Variants in INTS1 observed in about 807,000 individuals in gnomAD.
INTS1 encodes the protein integrator complex subunit 1.
INTS1 carries 137 observed loss-of-function variants against 241.6 expected under a neutral mutation model. That is an observed-to-expected ratio of 0.57 (90% CI 0.49 to 0.65). The LOEUF is 0.65. INTS1 is among the 30% of genes least tolerant of loss of function. The pLI is 0.00. For missense variants in INTS1, 3,073 were observed against 3,032.2 expected (o/e 1.01, Z -0.32); for synonymous variants, 1,692 against 1,337.8 (o/e 1.26, Z -5.78).
At position 1,480,461 on chromosome 7, in the gene INTS1, G is replaced by A. The variant is rs566273556; in HGVS notation, c.3950-20C>T. The A allele has an allele frequency of 1.1e-5, 17 of 1,608,400 alleles. No homozygotes were observed. The highest frequency in any genetic ancestry group is 1.4e-5 in the Non-Finnish European group (16 of 1,176,406). ...TGCTGTCTGCAGAGACAGGAGAACT[G>A]TCAGTGGCTGGACACTTTCTGACCT... On this transcript the variant is annotated intron_variant, in intron 29 of 47. Coordinates refer to ENST00000404767, the MANE Select transcript of INTS1 (RefSeq NM_001080453.3).
rs1331515067 is a variant in INTS1, at chr7:1,481,598, C to A, written c.3704-110G>T. ...GTGCAGTGACCCCACCCACCTGAGACCCTGGGCCACGTGGGCTCGGTGACC... is the reference window on the plus strand; with the variant it reads ...GTGCAGTGACCCCACCCACCTGAGAACCTGGGCCACGTGGGCTCGGTGACC... On this transcript the variant is annotated intron_variant, in intron 27 of 47. Transcript: ENST00000404767. This position sits in a 1 kb window ranked among gnomAD's most constrained non-coding sequence, Gnocchi z 6.8. 8.8e-7 allele frequency: 1 copy of A among 1,130,540 alleles called. No individual in the cohort carries two copies. The allele number at this position is 1,130,540 out of a possible 1,614,324, so 70.0% of individuals were successfully genotyped here. A position where few individuals can be genotyped will look rare whatever the true frequency, so the allele number is the denominator to read the frequency against.
intron 11 of INTS1, 118 bp from the exon 12 acceptor site, chr7:1,496,382 C>T: frequency 2.1e-6 from 1 of 478,262 alleles, no homozygotes; most frequent in Non-Finnish European, 3.6e-6. Context: ...CCCCACTCCA[C>T]ACCCACGTGG....
intron 26 of INTS1, 83 bp from the exon 27 acceptor site, chr7:1,482,790 C>T: frequency 6.6e-7 from 1 of 1,504,364 alleles, no homozygotes; most frequent in Non-Finnish European, 9.0e-7. Flanking sequence ...GCTAGAGGCA[C>T]CTCCTCTCCC....
chr7:1,484,723 C>A lies in INTS1; in HGVS notation c.3261+375G>T, dbSNP rs73275963. Among the ~76,000 whole-genome samples the A allele has an allele frequency of 8.0e-3, 1,221 of 152,342 alleles. 13 individuals are homozygous for A. Among genetic ancestry groups the A allele is most frequent in the African/African-American group, 0.024 (992 of 41,574 alleles). ...CCCTGCTGTGAACAAGGCACCCTCA[C>A]CCCCGTGGCTTCGCATCCTCAGGGT... On this transcript the variant is annotated intron_variant, in intron 24 of 47. Coordinates refer to ENST00000404767, the MANE Select transcript of INTS1 (RefSeq NM_001080453.3).
Position 1,487,952 on chromosome 7 carries a change from T to G in INTS1, c.2324A>C (p.Tyr775Ser). 1 of 1,612,634 alleles carries G rather than the reference T, an allele frequency of 6.2e-7. No individual in the cohort carries two copies. Among genetic ancestry groups the G allele is most frequent in the Non-Finnish European group, 8.5e-7 (1 of 1,179,688 alleles). Residue 775 changes from tyrosine (Y) to serine (S), a missense_variant, in exon 19 of 48, where the codon TAC (tyrosine) becomes TCC (serine). By Grantham distance (144) the Tyr-to-Ser change is moderately radical. Transcript: ENST00000404767. ...CGTCAGGGTGCACGGTGGGTAGGAG[T>G]AGTTGCTAGGGCCAGACGGGGGAGC... ...MLMEMVMTNN[Y>S]SYPPCTLTDE... is the part of the protein sequence containing the mutation.
chr7:1,503,124 C>T lies in INTS1; in HGVS notation c.126G>A (p.Ala42=), dbSNP rs767475746. 37 of 1,597,462 alleles carry T rather than the reference C, an allele frequency of 2.3e-5. No individual in the cohort carries two copies. In the African/African-American group the frequency reaches 2.8e-4, roughly 12 times the overall value. ...SKGQANESKT[A]STLLKPAPSG... is the part of the protein sequence containing the mutation. Reference sequence around the variant, plus strand: ...AAGGGGCTGGCTTCAGCAGGGTGGACGCCGTTTTCGATTCATTGGCCTGAC... The same window carrying T: ...AAGGGGCTGGCTTCAGCAGGGTGGATGCCGTTTTCGATTCATTGGCCTGAC... Residue 42 remains alanine, a synonymous_variant, in exon 3 of 48, where the codon GCG becomes GCA. Transcript: ENST00000404767.
chr7:1,478,220 C>A, intron 33 of INTS1, 146 bp downstream of exon 33: 1 of 913,938 alleles, frequency 1.1e-6, no homozygotes, highest in Non-Finnish European at 1.7e-6. Flanking sequence ...CCGCCCTGAG[C>A]CATCTGGGAG....
chr7:1,487,882 G>A lies in INTS1; in HGVS notation c.2394C>T (p.Thr798=), dbSNP rs773853138. 66 of 1,613,468 alleles carry A rather than the reference G, an allele frequency of 4.1e-5. No homozygotes were observed. The highest frequency in any genetic ancestry group is 5.1e-5 in the Non-Finnish European group (60 of 1,179,862). ...GGATCTCCTGCTTCTCCCGCTGGGC[G>A]GTCTGCAGCTCACGGTTCAGCATCT... The part of the protein sequence containing the change: ...RTEMLNRELQ[T]AQREKQEILA... The change falls in exon 19 of 48, where the codon ACC becomes ACT. Residue 798 remains threonine, a synonymous_variant. Coordinates refer to ENST00000404767, the MANE Select transcript of INTS1 (RefSeq NM_001080453.3).
At chr7:1,471,855 G>C (rs550765590) in intron 44 of INTS1, 62 of 598,136 alleles carry the variant, frequency 1.0e-4, no homozygotes, top group South Asian at 5.6e-4. Flanking sequence ...GAGAGGGGTT[G>C]ACCCCTCACG....
At position 1,499,049 on chromosome 7, in the gene INTS1, T is replaced by G; in HGVS notation, c.1063A>C (p.Thr355Pro). 1 of 1,579,032 alleles carries G rather than the reference T, an allele frequency of 6.3e-7. No individual in the cohort carries two copies. The highest frequency in any genetic ancestry group is 8.6e-7 in the Non-Finnish European group (1 of 1,165,808). The change falls in exon 8 of 48, where the codon ACC (threonine) becomes CCC (proline). Residue 355 changes from threonine (T) to proline (P), a missense_variant. Thr to Pro is a conservative substitution (Grantham distance 38, BLOSUM62 -1). Transcript: ENST00000404767. ...ACCTCCTTATAGCCGCAGGTGGAGG[T>G]GAGGAGCCGCAGGAGGTTCCTGGAG... ...NVSRNLLRLL[T>P]STCGYKEVRL...
chr7:1,499,314 C>A lies in INTS1; in HGVS notation c.891G>T (p.Thr297=). ...PSLTEEEDSQ[T]ELLIAEEKLS... is the part of the protein sequence containing the mutation. Reference sequence around the variant, plus strand: ...GCTTCTCCTCCGCGATCAGCAACTCCGTCTGGCTGTCCTCCTCCTCCGTGA... The same window carrying A: ...GCTTCTCCTCCGCGATCAGCAACTCAGTCTGGCTGTCCTCCTCCTCCGTGA... Residue 297 remains threonine, a synonymous_variant, in exon 7 of 48, where the codon ACG becomes ACT. Transcript: ENST00000404767. The A allele has an allele frequency of 6.2e-7, 1 of 1,605,066 alleles. No individual in the cohort carries two copies. Among genetic ancestry groups the A allele is most frequent in the Non-Finnish European group, 8.5e-7 (1 of 1,175,992 alleles).
chr7:1,500,820 G>C, intron 3 of INTS1: 1 of 160,320 alleles, frequency 6.2e-6, no homozygotes, highest in Non-Finnish European at 1.4e-5. Flanking sequence ...TGGGTGCTCG[G>C]CTCACAACCT....
In INTS1 at chr7:1,494,060, G is replaced by A. The variant is rs1782726639; in HGVS notation, c.1911-149C>T. 5 of 1,031,164 alleles carry A rather than the reference G, an allele frequency of 4.8e-6. 1 individual carries two copies. In the East Asian group the frequency reaches 1.1e-4, roughly 22 times the overall value. 63.9% of individuals were successfully genotyped at this position (1,031,164 alleles called of 1,614,324 possible). On this transcript the variant is annotated intron_variant, in intron 14 of 47. Transcript: ENST00000404767. ...CCCACGAGCCTATCCCCTCCAACCT[G>A]AGCCTCCCTTTGCAGGACAGGAGCC...
In INTS1 at chr7:1,474,626, CTT is replaced by C. The variant is rs1781626778; in HGVS notation, c.5636+77_5636+78del. 9 of 1,475,134 alleles carry C rather than the reference CTT, an allele frequency of 6.1e-6. No homozygotes were observed. In the East Asian group the frequency reaches 7.5e-5, roughly 12 times the overall value. The allele number at this position is 1,475,134 out of a possible 1,614,324, so 91.4% of individuals were successfully genotyped here. ...TTTTTGTTGTTTTTGGAGTTTTGCT[CTT>C]GTTGCCCAGGCTGGAGAGCCGCAGA... On this transcript the variant is annotated intron_variant, in intron 40 of 47. Transcript: ENST00000404767.
intron 18 of INTS1, 71 bp from the exon 19 acceptor site, chr7:1,488,028 G>A: frequency 1.3e-6 from 2 of 1,509,720 alleles, no homozygotes; most frequent in South Asian, 2.3e-5. Context: ...CCACGCTCAG[G>A]GTCAAGGAGG....
chr7:1,493,383 G>A lies in INTS1; in HGVS notation c.2069-277C>T, dbSNP rs896388986. On this transcript the variant is annotated intron_variant, in intron 15 of 47. Transcript: ENST00000404767. This position sits in a 1 kb window ranked among gnomAD's most constrained non-coding sequence, Gnocchi z 5.3. ...ACGGGGGTGTGGCCGGCAGGGTGGG[G>A]ACCCGCAAGCCCTCGGGGCAGAGCC... Among the ~76,000 whole-genome samples the A allele has an allele frequency of 2.6e-5, 4 of 152,132 alleles. No homozygotes were observed. Among genetic ancestry groups the A allele is most frequent in the African/African-American group, 9.7e-5 (4 of 41,426 alleles).
rs1304501014 is a variant in INTS1, at chr7:1,475,836, G to A, written c.5502+112C>T. The A allele has an allele frequency of 1.3e-5, 18 of 1,339,870 alleles. No homozygotes were observed. The South Asian group carries it at 2.0e-4, about 15-fold the overall frequency. 83.0% of individuals were successfully genotyped at this position (1,339,870 alleles called of 1,614,324 possible). ...CCACAGGGCGGCGCGGACTGGGAAG[G>A]GGCAAGAGGGGTAGCCGGCGATGGC... On this transcript the variant is annotated intron_variant, in intron 39 of 47. Coordinates refer to ENST00000404767, the MANE Select transcript of INTS1 (RefSeq NM_001080453.3).
intron 19 of INTS1, 145 bp downstream of exon 19, chr7:1,487,615 G>T: frequency 1.6e-6 from 2 of 1,270,612 alleles, no homozygotes; most frequent in South Asian, 1.4e-5. Flanking sequence ...GTAAGCCAGG[G>T]ACGCGGGGAC....
In INTS1 at chr7:1,481,513, G is replaced by T. The variant is rs376481189; in HGVS notation, c.3704-25C>A. The T allele has an allele frequency of 1.9e-6, 3 of 1,586,778 alleles. No individual in the cohort carries two copies. The highest frequency in any genetic ancestry group is 2.6e-6 in the Non-Finnish European group (3 of 1,166,662). On this transcript the variant is annotated intron_variant, in intron 27 of 47. Coordinates refer to ENST00000404767, the MANE Select transcript of INTS1 (RefSeq NM_001080453.3). This position sits in a 1 kb window ranked among gnomAD's most constrained non-coding sequence, Gnocchi z 6.8. Reference sequence around the variant, plus strand: ...GCTGAGGGTGCACGCGCTCCGTAACGCCACCCAAAACCCGGGCAATGCGCA... The same window carrying T: ...GCTGAGGGTGCACGCGCTCCGTAACTCCACCCAAAACCCGGGCAATGCGCA...
Sources: allele counts gnomAD v4.1 joint callset (sites outside exome capture counted in the v4.1 genomes callset), GRCh38; gene constraint gnomAD v4.1.1; non-coding constraint Gnocchi (gnomAD v3.1); transcripts MANE v1.5; gene names NCBI Gene and HGNC (gene_info 2026-07-23, HGNC 2026-07-21).